AK4: variants seen among roughly 807,000 people sequenced by gnomAD.
AK4 encodes the protein adenylate kinase 4.
In AK4, 13 loss-of-function variants were observed where a neutral mutation model predicts 24.6. That is an observed-to-expected ratio of 0.53 (90% confidence interval 0.34 to 0.84). AK4 has a LOEUF of 0.84. Among genes scored for constraint, AK4 ranks in the 40% least tolerant of loss-of-function variants. The pLI is 0.01. For missense variants in AK4, 192 were observed against 288.2 expected, an observed-to-expected ratio of 0.67 and a Z score of 2.42; for synonymous variants, 88 against 107.0, an observed-to-expected ratio of 0.82 and a Z score of 1.10.
intron 1 of AK4, among the ~76,000 whole-genome samples, chr1:65,186,632 C>G (rs963268030): frequency 6.6e-6 from 1 of 152,164 alleles, no homozygotes; most frequent in African/African-American, 2.4e-5. Context: ...ACATTTTGGT[C>G]TTTCACCTTG....
intron 1 of AK4, among the ~76,000 whole-genome samples, chr1:65,177,455 C>G (rs1463915158): frequency 6.6e-6 from 1 of 152,174 alleles, no homozygotes; most frequent in Non-Finnish European, 1.5e-5. Context: ...CACAGACACC[C>G]AGAGGAGATG....
At chr1:65,197,522 A>G (rs35832978) in intron 2 of AK4, among the ~76,000 whole-genome samples, 88 of 152,284 alleles carry the variant, frequency 5.8e-4, no homozygotes, top group Non-Finnish European at 1.0e-3. Flanking sequence ...TGTTTGTTTC[A>G]TTCTGTGCAA....
chr1:65,148,559 G>C lies in AK4; in HGVS notation c.145+7G>C, dbSNP rs748945431. On this transcript the variant is annotated splice_region_variant and intron_variant, in intron 1 of 4. Coordinates refer to ENST00000327299, the MANE Select transcript of AK4 (RefSeq NM_013410.4). ...AACATCAAGGCCAGCACCGGTGAGG[G>C]GCTGCGGGGACGAGGGCCGGGGGCG... 6.3e-7 allele frequency: 1 copy of C among 1,598,014 alleles called. No individual in the cohort carries two copies. Among genetic ancestry groups the C allele is most frequent in the Admixed American group, 1.7e-5 (1 of 58,180 alleles).
chr1:65,152,350 CTCTCTCTCTCTATATA>C (rs1474563047), intron 1 of AK4, among the ~76,000 whole-genome samples: 41 of 44,606 alleles, frequency 9.2e-4, no homozygotes, highest in African/African-American at 3.5e-3. Context: ...CTCTCTCTCT[CTCTCTCTCTCTATATA>C]TATATATATA....
intron 1 of AK4, among the ~76,000 whole-genome samples, chr1:65,185,631 T>G (rs1265297021): frequency 2.6e-5 from 4 of 151,424 alleles, no homozygotes; most frequent in Admixed American, 6.6e-5. Context: ...CATCTTTTTT[T>G]TTTTTTTTTT....
chr1:65,188,441 T>C (rs2101037337), intron 1 of AK4, among the ~76,000 whole-genome samples: 1 of 152,190 alleles, frequency 6.6e-6, no homozygotes, highest in Admixed American at 6.5e-5. Flanking sequence ...TCTTGAGCCT[T>C]TTTCTAGTAA....
chr1:65,158,743 G>A (rs893814450), intron 1 of AK4, among the ~76,000 whole-genome samples: 2 of 152,186 alleles, frequency 1.3e-5, no homozygotes, highest in Non-Finnish European at 2.9e-5. Context: ...CTGACCTCAG[G>A]TGATCCACCT....
chr1:65,162,617 C>T (rs982438125), intron 1 of AK4, among the ~76,000 whole-genome samples: 14 of 151,818 alleles, frequency 9.2e-5, no homozygotes, highest in African/African-American at 3.4e-4. Flanking sequence ...CTGAGGCGGG[C>T]AGATCACAAG....
intron 1 of AK4, among the ~76,000 whole-genome samples, chr1:65,185,069 T>A (rs1306793728): frequency 6.6e-6 from 1 of 152,162 alleles, no homozygotes; most frequent in Non-Finnish European, 1.5e-5. Flanking sequence ...TTGAATTAAC[T>A]CAAGGTTCTC....
chr1:65,181,437 C>T (rs1375668972), intron 1 of AK4, among the ~76,000 whole-genome samples: 1 of 150,514 alleles, frequency 6.6e-6, no homozygotes, highest in East Asian at 1.9e-4. Flanking sequence ...CGCTCTGTTG[C>T]CCAGACTGGA....
At chr1:65,184,283 C>G (rs2101030651) in intron 1 of AK4, among the ~76,000 whole-genome samples, 1 of 152,270 alleles carries the variant, frequency 6.6e-6, no homozygotes, top group Non-Finnish European at 1.5e-5. Flanking sequence ...ATCTTTCTCT[C>G]TATATGAACA....
chr1:65,147,702 C>A (rs1649607404), upstream of AK4: 1 of 152,026 alleles, frequency 6.6e-6, no homozygotes, highest in South Asian at 2.1e-4. Context: ...TGGCGAGGCG[C>A]GGGGCTCGGG....
chr1:65,213,134 A>G (rs748296235), intron 2 of AK4, among the ~76,000 whole-genome samples: 1 of 152,182 alleles, frequency 6.6e-6, no homozygotes, highest in Non-Finnish European at 1.5e-5. Flanking sequence ...CTGCACGTGC[A>G]CTAGTTCCTT....
At chr1:65,192,798 G>A (rs1421402983) in intron 2 of AK4, among the ~76,000 whole-genome samples, 1 of 152,158 alleles carries the variant, frequency 6.6e-6, no homozygotes, top group Non-Finnish European at 1.5e-5. Context: ...AGGGGCAGGT[G>A]GTCACCGATA....
At chr1:65,224,915 G>A (rs764324408) in intron 4 of AK4, 45 bp downstream of exon 4, 2 of 1,495,584 alleles carry the variant, frequency 1.3e-6, no homozygotes, top group African/African-American at 2.8e-5. Flanking sequence ...AGACTGGAAA[G>A]GTGTGGAGCC....
At position 65,228,775 on chromosome 1, in the gene AK4, G is replaced by C. The variant is rs1030222715; in HGVS notation, c.*2598G>C. The C allele has an allele frequency of 1.3e-5, 2 of 151,440 alleles. No homozygotes were observed. The highest frequency in any genetic ancestry group is 4.8e-5 in the African/African-American group (2 of 41,278). 9.4% of individuals were successfully genotyped at this position (151,440 alleles called of 1,614,324 possible). On this transcript the variant is annotated 3_prime_UTR_variant, in exon 5 of 5. Coordinates refer to ENST00000327299, the MANE Select transcript of AK4 (RefSeq NM_013410.4). ...CCGTTCCTTCACCTTTAAGCAAAGA[G>C]AGTGGTTCAGATGGTTTCTAAGATG...
At chr1:65,149,368 T>G (rs1047249930) in intron 1 of AK4, among the ~76,000 whole-genome samples, 2 of 152,184 alleles carry the variant, frequency 1.3e-5, no homozygotes, top group Non-Finnish European at 2.9e-5. Context: ...AGTGCGTCCC[T>G]TTCCCCCTCT....
intron 2 of AK4, among the ~76,000 whole-genome samples, chr1:65,196,348 T>TG (rs1206641292): frequency 3.3e-5 from 5 of 151,908 alleles, no homozygotes; most frequent in Middle Eastern, 3.4e-3. Context: ...AGTGGGGATG[T>TG]GGGGAGGGGA....
intron 3 of AK4, among the ~76,000 whole-genome samples, chr1:65,220,709 C>T (rs1455562460): frequency 1.3e-5 from 2 of 152,188 alleles, no homozygotes; most frequent in African/African-American, 2.4e-5. Context: ...CCCCTGATCT[C>T]AAGTGATCCA....
Sources: allele counts gnomAD v4.1 joint callset (sites outside exome capture counted in the v4.1 genomes callset), GRCh38; gene constraint gnomAD v4.1.1; transcripts MANE v1.5; gene names NCBI Gene and HGNC (gene_info 2026-07-23, HGNC 2026-07-21).